The following DNAJB4 variants were observed in gnomAD, a reference collection of about 807,000 sequenced individuals.
The protein encoded by DNAJB4 is DnaJ heat shock protein family (Hsp40) member B4.
Under a neutral mutation model 26.6 loss-of-function variants are expected in DNAJB4, and 10 were observed. The observed-to-expected ratio is 0.38, with a 90% confidence interval of 0.23 to 0.64. The LOEUF is 0.64. Ranked by LOEUF, DNAJB4 falls within the 30% of genes least tolerant of loss-of-function variation. The pLI is 0.58. For synonymous variants in DNAJB4, 136 were observed against 134.8 expected, an observed-to-expected ratio of 1.01 and a Z score of -0.06; for missense variants, 328 against 408.2, an observed-to-expected ratio of 0.80 and a Z score of 1.69.
chr1:77,982,371 A>G (rs1436515865), intron 1 of DNAJB4, among the ~76,000 whole-genome samples: 1 of 152,202 alleles, frequency 6.6e-6, no homozygotes, highest in Non-Finnish European at 1.5e-5. Flanking sequence ...TTAGATAATC[A>G]GTTCTTCTAT....
At chr1:77,990,876 T>C (rs185590087) in intron 1 of DNAJB4, among the ~76,000 whole-genome samples, 1 of 152,332 alleles carries the variant, frequency 6.6e-6, no homozygotes, top group East Asian at 1.9e-4. Context: ...GATTCATTCA[T>C]TCAGTAAAAG....
chr1:77,988,519 A>G (rs904348809), intron 1 of DNAJB4, among the ~76,000 whole-genome samples: 3 of 152,052 alleles, frequency 2.0e-5, no homozygotes, highest in South Asian at 2.1e-4. Flanking sequence ...CACCATCTCT[A>G]TCATTCTGAC....
At chr1:77,983,748 T>G (rs1438268337) in intron 1 of DNAJB4, among the ~76,000 whole-genome samples, 1 of 152,186 alleles carries the variant, frequency 6.6e-6, no homozygotes, top group Admixed American at 6.5e-5. Flanking sequence ...AGAAGAATTT[T>G]TCTTAGTACA....
intron 1 of DNAJB4, among the ~76,000 whole-genome samples, chr1:78,012,834 C>T (rs1030002900): frequency 9.2e-5 from 14 of 151,812 alleles, no homozygotes; most frequent in Non-Finnish European, 1.3e-4. Context: ...AACAAAAATG[C>T]TGATTTGGAG....
chr1:78,011,055 G>A (rs552705760), intron 1 of DNAJB4, among the ~76,000 whole-genome samples: 2 of 152,208 alleles, frequency 1.3e-5, no homozygotes, highest in South Asian at 2.1e-4. Context: ...ATGATTTTTA[G>A]ATTCTTTTCC....
chr1:77,993,926 T>C (rs1220076486), intron 1 of DNAJB4, among the ~76,000 whole-genome samples: 1 of 152,306 alleles, frequency 6.6e-6, no homozygotes, highest in African/African-American at 2.4e-5. Context: ...AGTTGGTAAA[T>C]ACTATAGGAC....
intron 1 of DNAJB4, among the ~76,000 whole-genome samples, chr1:77,983,464 G>T (rs1659717786): frequency 6.6e-6 from 1 of 152,186 alleles, no homozygotes; most frequent in African/African-American, 2.4e-5. Flanking sequence ...CTTCCCACGA[G>T]GCCATATTTC....
At chr1:78,008,441 A>G (rs1660385219) in intron 1 of DNAJB4, among the ~76,000 whole-genome samples, 1 of 152,226 alleles carries the variant, frequency 6.6e-6, no homozygotes, top group Admixed American at 6.5e-5. Context: ...ATGCTACACC[A>G]TTGATGAACC....
chr1:78,011,698 G>A (rs564702430), intron 1 of DNAJB4, among the ~76,000 whole-genome samples: 1 of 151,678 alleles, frequency 6.6e-6, no homozygotes, highest in African/African-American at 2.4e-5. Context: ...AGACCAGGCT[G>A]GTCTCGAACT....
Position 78,016,023 on chromosome 1 carries a change from G to C in DNAJB4, c.790G>C (p.Gly264Arg). Residue 264 changes from glycine (G) to arginine (R), a missense_variant, in exon 3 of 3, where the codon GGC becomes CGC. By Grantham distance (125) the Gly-to-Arg change is moderately radical. Transcript: ENST00000370763. ...ATTTGGTCCATTTTAGGCATTGTGT[G>C]GCTGCTCAATTAATGTACCAACACT... is the stretch of plus-strand genomic sequence containing the variant. ...AKISLREALCGCSINVPTLDG... is the reference protein window; with the variant it reads ...AKISLREALCRCSINVPTLDG... The C allele has an allele frequency of 1.9e-6, 3 of 1,613,496 alleles. No individual in the cohort carries two copies. The South Asian group carries it at 3.3e-5, about 18-fold the overall frequency.
At chr1:77,991,394 C>G (rs972418436) in intron 1 of DNAJB4, among the ~76,000 whole-genome samples, 1 of 152,172 alleles carries the variant, frequency 6.6e-6, no homozygotes, top group African/African-American at 2.4e-5. Flanking sequence ...AAAAGCAATA[C>G]TTGAAATGCT....
At chr1:77,988,262 A>G (rs185935484) in intron 1 of DNAJB4, among the ~76,000 whole-genome samples, 2 of 152,172 alleles carry the variant, frequency 1.3e-5, no homozygotes, top group Non-Finnish European at 2.9e-5. Flanking sequence ...GCCTCAAGCT[A>G]TCCTCCTGCC....
chr1:77,992,768 A>G (rs989411494), intron 1 of DNAJB4: 1 of 152,188 alleles, frequency 6.6e-6, no homozygotes, highest in Non-Finnish European at 1.5e-5. Flanking sequence ...TCTGTTGCCC[A>G]GGCTGGAATG....
At chr1:77,981,002 A>T (rs1274045173) in intron 1 of DNAJB4, among the ~76,000 whole-genome samples, 3 of 152,164 alleles carry the variant, frequency 2.0e-5, no homozygotes, top group Non-Finnish European at 2.9e-5. Context: ...GTATTTTGAA[A>T]ATGTCTTGAT....
chr1:78,004,348 T>C (rs1308190317), upstream of DNAJB4: 3 of 152,210 alleles, frequency 2.0e-5, no homozygotes, highest in South Asian at 4.1e-4. Flanking sequence ...TTAAGTCCTT[T>C]ACTTATTTTA....
upstream of DNAJB4, among the ~76,000 whole-genome samples, chr1:77,999,964 T>TGATTCCAAAATCAAA: frequency 6.6e-6 from 1 of 152,340 alleles, no homozygotes; most frequent in African/African-American, 2.4e-5. Flanking sequence ...ACAGATCTTC[T>TGATTCCAAAATCAAA]GATTCCAAAA....
intron 1 of DNAJB4, among the ~76,000 whole-genome samples, chr1:77,987,593 C>T (rs539714885): frequency 4.6e-5 from 7 of 152,062 alleles, no homozygotes; most frequent in African/African-American, 1.4e-4. Flanking sequence ...ATATTGAACT[C>T]CTCAGTTTCT....
chr1:78,010,379 T>C (rs1660436938), intron 1 of DNAJB4, among the ~76,000 whole-genome samples: 1 of 151,916 alleles, frequency 6.6e-6, no homozygotes, highest in Non-Finnish European at 1.5e-5. Context: ...TATTATTCTA[T>C]CATTAAAAAA....
chr1:78,008,225 C>T (rs1481130901), intron 1 of DNAJB4, among the ~76,000 whole-genome samples: 2 of 151,982 alleles, frequency 1.3e-5, no homozygotes, highest in African/African-American at 4.8e-5. Context: ...ATACGGATAA[C>T]TCAAATTTAC....
Sources: allele counts gnomAD v4.1 joint callset (sites outside exome capture counted in the v4.1 genomes callset), GRCh38; gene constraint gnomAD v4.1.1; transcripts MANE v1.5; gene names NCBI Gene and HGNC (gene_info 2026-07-23, HGNC 2026-07-21).